Variants in WWOX observed in about 807,000 individuals in gnomAD.
WWOX encodes the protein WW domain containing oxidoreductase, also known as WW domain-containing oxidoreductase.
In WWOX, 69 loss-of-function variants were observed where a neutral mutation model predicts 46.2. The observed-to-expected ratio is 1.49, with a 90% CI of 1.23 to 1.82. WWOX has a LOEUF of 1.82. Ranked by LOEUF, WWOX falls within the 40% of genes most tolerant of loss-of-function variation. The probability of loss-of-function intolerance (pLI) is 0.00; values close to 1 mark genes in which losing one functional copy is unlikely to be tolerated. For missense variants in WWOX, 919 were observed against 542.6 expected (o/e 1.69, Z -6.89); for synonymous variants, 359 against 202.6 (o/e 1.77, Z -6.56).
At chr16:78,391,341 G>A (rs1293393722) in intron 6 of WWOX, among the ~76,000 whole-genome samples, 1 of 152,174 alleles carries the variant, frequency 6.6e-6, no homozygotes, top group East Asian at 1.9e-4. Flanking sequence ...TTTGTTATAA[G>A]AGTCCTGCAC....
At chr16:78,533,444 A>G (rs929228042) in intron 8 of WWOX, among the ~76,000 whole-genome samples, 13 of 151,864 alleles carry the variant, frequency 8.6e-5, no homozygotes, top group Non-Finnish European at 1.8e-4. Flanking sequence ...AAATCTCATA[A>G]TGTTTTAAGA....
rs113149497 is a variant in WWOX, at chr16:79,003,964, T to C, written c.1057-207644T>C. On this transcript the variant is annotated intron_variant, in intron 8 of 8. Coordinates refer to ENST00000566780, the MANE Select transcript of WWOX (RefSeq NM_016373.4). ...GGCCTTTGCTCTTTGCCCTTCCCTT[T>C]GCCAAGAAAGTTCCCTGTACTCTGC... Among the ~76,000 whole-genome samples the C allele has an allele frequency of 7.5e-3, 1,137 of 152,300 alleles. 11 individuals are homozygous for C. The highest frequency in any genetic ancestry group is 0.026 in the African/African-American group (1,083 of 41,554).
intron 5 of WWOX, among the ~76,000 whole-genome samples, chr16:78,300,859 A>G (rs2080028072): frequency 1.3e-5 from 2 of 152,098 alleles, no homozygotes; most frequent in Admixed American, 1.3e-4. Context: ...CAGGGGCCAT[A>G]TGTTCACCAC....
chr16:78,868,784 G>C (rs8051859), intron 8 of WWOX, among the ~76,000 whole-genome samples: 17 of 152,110 alleles, frequency 1.1e-4, no homozygotes, highest in African/African-American at 3.9e-4. Context: ...CTAACCCTCA[G>C]ATAATGACCA....
intron 8 of WWOX, among the ~76,000 whole-genome samples, chr16:78,557,122 C>G (rs1174228884): frequency 6.6e-6 from 1 of 152,200 alleles, no homozygotes; most frequent in Admixed American, 6.5e-5. Context: ...GAGAAGTCCA[C>G]ATTGCTCCAT....
At chr16:78,869,537 C>A (rs912320409) in intron 8 of WWOX, among the ~76,000 whole-genome samples, 10 of 152,170 alleles carry the variant, frequency 6.6e-5, no homozygotes, top group Admixed American at 6.5e-4. Flanking sequence ...TTTCATGACC[C>A]AAGTCTGGTC....
intron 8 of WWOX, among the ~76,000 whole-genome samples, chr16:78,512,904 C>G (rs1270531698): frequency 6.6e-6 from 1 of 152,184 alleles, no homozygotes; most frequent in African/African-American, 2.4e-5. Flanking sequence ...GTTACCCAGT[C>G]TTACTTTTCA....
At chr16:78,978,712 G>C (rs992333964) in intron 8 of WWOX, among the ~76,000 whole-genome samples, 3 of 152,114 alleles carry the variant, frequency 2.0e-5, no homozygotes, top group Non-Finnish European at 4.4e-5. Context: ...AGAGCGACTG[G>C]GGAGGCGCTA....
In WWOX at chr16:78,600,696, C is replaced by T. The variant is rs573763160; in HGVS notation, c.1056+167944C>T. On this transcript the variant is annotated intron_variant, in intron 8 of 8. Transcript: ENST00000566780. ...GGTAGCTGATGAAACTGCCCTAGAA[C>T]GACAGCAAGACAATAGGGCCATGAA... Among the ~76,000 whole-genome samples, 77 of 152,260 alleles carry T rather than the reference C, an allele frequency of 5.1e-4. 1 individual carries two copies. Among genetic ancestry groups the T allele is most frequent in the African/African-American group, 1.6e-3 (68 of 41,556 alleles).
At chr16:78,601,716 C>G (rs1439135051) in intron 8 of WWOX, among the ~76,000 whole-genome samples, 1 of 152,142 alleles carries the variant, frequency 6.6e-6, no homozygotes, top group Non-Finnish European at 1.5e-5. Context: ...CAGCAGAAGT[C>G]TTTTCTCTGG....
chr16:78,184,999 A>G (rs1401760138), intron 5 of WWOX, among the ~76,000 whole-genome samples: 4 of 152,210 alleles, frequency 2.6e-5, no homozygotes, highest in African/African-American at 9.6e-5. Flanking sequence ...ACCGGGGCCC[A>G]CAGAGCAGCC....
At chr16:78,459,038 C>T (rs1308213726) in intron 8 of WWOX, among the ~76,000 whole-genome samples, 1 of 152,174 alleles carries the variant, frequency 6.6e-6, no homozygotes, top group Non-Finnish European at 1.5e-5. Context: ...TATTAGTAAA[C>T]TAATGGATTA....
At chr16:78,437,380 T>C (rs1369785622) in intron 8 of WWOX, among the ~76,000 whole-genome samples, 1 of 152,252 alleles carries the variant, frequency 6.6e-6, no homozygotes, top group Non-Finnish European at 1.5e-5. Flanking sequence ...CTTTATTAAA[T>C]GTGATCTGTC....
At chr16:78,194,818 C>T (rs988217449) in intron 5 of WWOX, among the ~76,000 whole-genome samples, 1 of 152,060 alleles carries the variant, frequency 6.6e-6, no homozygotes. Flanking sequence ...TTTAAACTTC[C>T]TCTACTCTTT....
chr16:78,827,938 AG>A (rs772659601), intron 8 of WWOX, among the ~76,000 whole-genome samples: 3 of 152,194 alleles, frequency 2.0e-5, no homozygotes, highest in Non-Finnish European at 4.4e-5. Context: ...AGTCAGAGTA[AG>A]GGGGCTAAGC....
chr16:79,006,335 G>C (rs946461618), intron 8 of WWOX, among the ~76,000 whole-genome samples: 1 of 152,144 alleles, frequency 6.6e-6, no homozygotes, highest in South Asian at 2.1e-4. Context: ...AGACCCGGGG[G>C]CCTCAGCAGG....
At position 78,923,351 on chromosome 16, in the gene WWOX, C is replaced by T. The variant is rs1056503244; in HGVS notation, c.1057-288257C>T. On this transcript the variant is annotated intron_variant, in intron 8 of 8. Coordinates refer to ENST00000566780, the MANE Select transcript of WWOX (RefSeq NM_016373.4). ...AATTTCACCAGAATATCATCATTAT[C>T]AACATCATTATTTCTAGTTCAGATC... Among the ~76,000 whole-genome samples, 6 of 152,228 alleles carry T rather than the reference C, an allele frequency of 3.9e-5. No homozygotes were observed. In the East Asian group the frequency reaches 9.6e-4, roughly 24 times the overall value.
intron 8 of WWOX, among the ~76,000 whole-genome samples, chr16:78,804,411 C>A (rs2050974396): frequency 6.7e-6 from 1 of 149,788 alleles, no homozygotes. Flanking sequence ...AGGCGCTCAG[C>A]CAAATTAAAA....
chr16:79,052,795 C>G (rs1478884500), intron 8 of WWOX, among the ~76,000 whole-genome samples: 2 of 152,150 alleles, frequency 1.3e-5, no homozygotes, highest in Non-Finnish European at 2.9e-5. Flanking sequence ...AATTAAATTC[C>G]TGTTCGAGTG....
Sources: gnomAD v4.1 joint callset for allele counts (sites outside exome capture counted in the v4.1 genomes callset) on GRCh38, gnomAD v4.1.1 for gene constraint, MANE v1.5 for transcripts, NCBI Gene and HGNC (gene_info 2026-07-23, HGNC 2026-07-21) for gene names.